Variants in KIFAP3 observed in about 807,000 individuals in gnomAD.
The protein encoded by KIFAP3 is kinesin-associated protein 3.
In KIFAP3, 68 loss-of-function variants were observed where a neutral mutation model predicts 106.5. The observed-to-expected ratio is 0.64, with a 90% CI of 0.53 to 0.78. KIFAP3 has a LOEUF of 0.78. KIFAP3 is among the 30% of genes least tolerant of loss of function. The pLI, the probability that KIFAP3 is intolerant of heterozygous loss-of-function variation, is 0.00. For synonymous variants in KIFAP3, 320 were observed against 311.5 expected, an observed-to-expected ratio of 1.03 and a Z score of -0.29; for missense variants, 780 against 941.8, an observed-to-expected ratio of 0.83 and a Z score of 2.25.
rs145406203 is a variant in KIFAP3 at position 169,973,105 on chromosome 1, G to GTGTATATATATATATATATATATA, written c.1898-508_1898-507insTATATATATATATATATATATACA. Among the ~76,000 whole-genome samples the GTGTATATATATATATATATATATA allele has an allele frequency of 5.4e-3, 488 of 90,180 alleles. 28 individuals are homozygous for GTGTATATATATATATATATATATA. The highest frequency in any genetic ancestry group is 0.01 in the East Asian group (25 of 2,384). The allele number at this position is 90,180 out of a possible 152,430, so 59.2% of individuals were successfully genotyped here. A position where few individuals can be genotyped will look rare whatever the true frequency, so the allele number is the denominator to read the frequency against. On this transcript the variant is annotated intron_variant, in intron 16 of 19. Transcript: ENST00000361580. ...ATAAAAATAATTTAAAAAATAGTGTGTATATATATATATATATAAACAACA... is the reference window on the plus strand; with the variant it reads ...ATAAAAATAATTTAAAAAATAGTGTGTGTATATATATATATATATATATATATATATATATATATATAAACAACA...
chr1:169,992,314 T>G, intron 10 of KIFAP3, 59 bp from the exon 11 acceptor site: 1 of 790,056 alleles, frequency 1.3e-6, no homozygotes, highest in Non-Finnish European at 1.9e-6. Flanking sequence ...TATAGCACAC[T>G]CATGTTAATG....
chr1:170,003,192 T>C (rs1177768805), intron 10 of KIFAP3, among the ~76,000 whole-genome samples: 2 of 152,210 alleles, frequency 1.3e-5, no homozygotes, highest in Non-Finnish European at 2.9e-5. Context: ...AACTGCTATA[T>C]GTGTCTAAGT....
At chr1:169,922,142 A>T (rs1662861784) in intron 19 of KIFAP3, among the ~76,000 whole-genome samples, 3 of 152,204 alleles carry the variant, frequency 2.0e-5, no homozygotes, top group African/African-American at 7.2e-5. Context: ...TTGCTAGGGA[A>T]TGATAAAAAT....
At chr1:170,048,382 A>G (rs1333677575) in intron 2 of KIFAP3, among the ~76,000 whole-genome samples, 1 of 151,550 alleles carries the variant, frequency 6.6e-6, no homozygotes, top group East Asian at 1.9e-4. Flanking sequence ...ATCAGAAGGC[A>G]TAGAGAGAAA....
At chr1:169,982,986 T>G (rs1483631938) in intron 13 of KIFAP3, 119 bp from the exon 14 acceptor site, 2 of 676,600 alleles carry the variant, frequency 3.0e-6, no homozygotes, top group Non-Finnish European at 4.3e-6. Flanking sequence ...GTGATTTTCT[T>G]GTTTTAATAA....
intron 10 of KIFAP3, among the ~76,000 whole-genome samples, chr1:169,998,037 G>GAAA (rs758509353): frequency 1.4e-5 from 2 of 140,264 alleles, no homozygotes; most frequent in Non-Finnish European, 3.1e-5. Flanking sequence ...TCCCTTAATG[G>GAAA]AAAAAAAAAA....
At chr1:170,002,529 G>A (rs1262972214) in intron 10 of KIFAP3, among the ~76,000 whole-genome samples, 1 of 152,130 alleles carries the variant, frequency 6.6e-6, no homozygotes, top group Non-Finnish European at 1.5e-5. Flanking sequence ...AGCCAGCCAT[G>A]CAAACTGGCA....
At chr1:169,989,601 T>C (rs1420844563) in intron 11 of KIFAP3, among the ~76,000 whole-genome samples, 1 of 152,100 alleles carries the variant, frequency 6.6e-6, no homozygotes, top group African/African-American at 2.4e-5. Flanking sequence ...AAGAGTTTGA[T>C]TACACTTTGC....
chr1:170,014,719 C>T (rs1337529155), intron 10 of KIFAP3, among the ~76,000 whole-genome samples: 1 of 151,944 alleles, frequency 6.6e-6, no homozygotes, highest in East Asian at 1.9e-4. Context: ...CCTGGTTTGT[C>T]AACAAAAATG....
intron 16 of KIFAP3, among the ~76,000 whole-genome samples, chr1:169,973,311 A>G (rs1029808613): frequency 1.3e-5 from 2 of 149,790 alleles, no homozygotes; most frequent in African/African-American, 4.9e-5. Context: ...ATAAGTGAAA[A>G]GAGATAAAAA....
chr1:170,004,056 T>A (rs1226222703), intron 10 of KIFAP3, among the ~76,000 whole-genome samples: 2 of 152,188 alleles, frequency 1.3e-5, no homozygotes, highest in African/African-American at 4.8e-5. Flanking sequence ...AGCATTCTTA[T>A]ACACCAATAA....
At chr1:170,058,725 G>A (rs2102133463) in intron 1 of KIFAP3, among the ~76,000 whole-genome samples, 1 of 152,078 alleles carries the variant, frequency 6.6e-6, no homozygotes, top group South Asian at 2.1e-4. Flanking sequence ...AATCAGATGG[G>A]CTGAGGCGGG....
At chr1:170,034,321 A>G in intron 7 of KIFAP3, 51 bp downstream of exon 7, 2 of 1,559,206 alleles carry the variant, frequency 1.3e-6, no homozygotes, top group Non-Finnish European at 8.6e-7. Flanking sequence ...ACCCATCCAA[A>G]ACTTAAAGCA....
intron 1 of KIFAP3, among the ~76,000 whole-genome samples, chr1:170,082,468 G>A (rs1165403563): frequency 7.2e-5 from 11 of 152,160 alleles, no homozygotes; most frequent in Admixed American, 6.5e-5. Context: ...AAACTTTAGG[G>A]TAATGGTCAC....
chr1:170,042,263 C>G (rs1312473557), intron 3 of KIFAP3, among the ~76,000 whole-genome samples: 7 of 152,102 alleles, frequency 4.6e-5, no homozygotes. Context: ...CCCATGAAAA[C>G]AAAGAAAATG....
chr1:170,004,548 T>C (rs1277099722), intron 10 of KIFAP3, among the ~76,000 whole-genome samples: 2 of 151,786 alleles, frequency 1.3e-5, no homozygotes, highest in East Asian at 1.9e-4. Context: ...TCAGAAATAA[T>C]GCCGCATATC....
intron 10 of KIFAP3, among the ~76,000 whole-genome samples, chr1:170,006,882 G>T (rs1026438623): frequency 6.6e-6 from 1 of 152,110 alleles, no homozygotes; most frequent in African/African-American, 2.4e-5. Context: ...GTATTTAAAT[G>T]GAATGAATGA....
At chr1:170,048,744 G>A (rs987461805) in intron 2 of KIFAP3, among the ~76,000 whole-genome samples, 8 of 152,032 alleles carry the variant, frequency 5.3e-5, no homozygotes, top group Non-Finnish European at 1.2e-4. Flanking sequence ...AAGGAGCTGG[G>A]GGACCTCCCT....
At chr1:169,945,051 G>A (rs1277736774) in intron 19 of KIFAP3, among the ~76,000 whole-genome samples, 1 of 152,140 alleles carries the variant, frequency 6.6e-6, no homozygotes, top group African/African-American at 2.4e-5. Context: ...AGGGTGCCCA[G>A]GCAGCCCATA....
Sources: gnomAD v4.1 joint callset for allele counts (sites outside exome capture counted in the v4.1 genomes callset) on GRCh38, gnomAD v4.1.1 for gene constraint, MANE v1.5 for transcripts, NCBI Gene and HGNC (gene_info 2026-07-23, HGNC 2026-07-21) for gene names.